The following DYNC2I2 variants were observed in gnomAD, a reference collection of about 807,000 sequenced individuals.
DYNC2I2 encodes the protein cytoplasmic dynein 2 intermediate chain 2.
In DYNC2I2, 39 loss-of-function variants were observed where a neutral mutation model predicts 52.0. The ratio of observed to expected loss-of-function variants is 0.75; its 90% confidence interval spans 0.58 to 0.98. The LOEUF (loss-of-function observed/expected upper bound fraction) is 0.98. Among genes scored for constraint, DYNC2I2 ranks in the 50% least tolerant of loss-of-function variants. The probability of loss-of-function intolerance (pLI) is 0.00; values close to 1 mark genes in which losing one functional copy is unlikely to be tolerated. For synonymous variants in DYNC2I2, 359 were observed against 321.1 expected (o/e 1.12, Z -1.26); for missense variants, 743 against 728.4 (o/e 1.02, Z -0.23).
At chr9:128,656,495 C>T in intron 1 of DYNC2I2, 46 bp downstream of exon 1, 1 of 1,233,680 alleles carries the variant, frequency 8.1e-7, no homozygotes, top group South Asian at 3.3e-5. Context: ...GCGCTGCGAC[C>T]CCGCCTTCCC....
In DYNC2I2 at chr9:128,640,693, T is replaced by TCTG. The variant is rs2132155546; in HGVS notation, c.430_432dup (p.Gln144dup). The TCTG allele has an allele frequency of 6.2e-7, 1 of 1,613,544 alleles. No individual in the cohort carries two copies. The highest frequency in any genetic ancestry group is 8.5e-7 in the Non-Finnish European group (1 of 1,179,608). On this transcript the variant is annotated inframe_insertion, in exon 2 of 9. Transcript: ENST00000372715. ...GGCTGCACCAGCCCATCCCCTACCA[T>TCTG]CTGCTGCTGCTCGGTCCAGTTCACC...
At chr9:128,655,674 C>A (rs186066454) in intron 1 of DYNC2I2, among the ~76,000 whole-genome samples, 33 of 151,130 alleles carry the variant, frequency 2.2e-4, no homozygotes, top group African/African-American at 7.3e-4. Flanking sequence ...CTTTGGAAGG[C>A]CGAGGAGGGC....
chr9:128,635,430 A>G (rs930554182), intron 5 of DYNC2I2, 171 bp from the exon 6 acceptor site: 2 of 882,082 alleles, frequency 2.3e-6, no homozygotes, highest in Admixed American at 5.7e-5. Context: ...GGCCCTCTCC[A>G]GTCCCAGAAT....
At chr9:128,671,945 G>A in the DYNC2I2 span, among the ~76,000 whole-genome samples, 5 of 144,364 alleles carry the variant, frequency 3.5e-5, no homozygotes, top group South Asian at 2.2e-4. Context: ...GAGCCACCGC[G>A]CCCGGCCTAA....
At chr9:128,683,800 A>G in the DYNC2I2 span, 2 of 1,107,124 alleles carry the variant, frequency 1.8e-6, no homozygotes, top group Admixed American at 2.5e-5. Context: ...TCCAGTGCAG[A>G]TTTAAGCCGC....
At chr9:128,667,316 AT>A in the DYNC2I2 span, among the ~76,000 whole-genome samples, 1 of 151,960 alleles carries the variant, frequency 6.6e-6, no homozygotes, top group African/African-American at 2.4e-5. Flanking sequence ...AACTGTGATT[AT>A]TTATTTTTAT....
chr9:128,633,789 C>A lies in DYNC2I2; in HGVS notation c.1566G>T (p.Arg522=), dbSNP rs1284132584. The A allele has an allele frequency of 1.2e-6, 2 of 1,613,520 alleles. No individual in the cohort carries two copies. The highest frequency in any genetic ancestry group is 1.7e-6 in the Non-Finnish European group (2 of 1,180,052). The change falls in exon 9 of 9, where the codon CGG becomes CGT. Residue 522 remains arginine, a synonymous_variant. Coordinates refer to ENST00000372715, the MANE Select transcript of DYNC2I2 (RefSeq NM_052844.4). The part of the protein sequence containing the change: ...LSTEFTEQGP[R]EAEDLDCLAA... ...CCAGGCAGTCCAGGTCCTCAGCTTC[C>A]CGGGGCCCTTGTTCCGTGAACTCTG...
chr9:128,659,262 G>A (rs940489032), upstream of DYNC2I2, among the ~76,000 whole-genome samples: 4 of 151,772 alleles, frequency 2.6e-5, no homozygotes, highest in Admixed American at 6.6e-5. Flanking sequence ...CTGGGAGGCC[G>A]AGGCGGGCGG....
chr9:128,681,713 C>A, the DYNC2I2 span, among the ~76,000 whole-genome samples: 2 of 152,134 alleles, frequency 1.3e-5, no homozygotes, highest in African/African-American at 4.8e-5. Context: ...TTGCCTTACT[C>A]ATTTTTATGC....
In DYNC2I2 at chr9:128,640,782, A is replaced by T. The variant is rs1469848199; in HGVS notation, c.344T>A (p.Val115Glu). 2 of 1,613,816 alleles carry T rather than the reference A, an allele frequency of 1.2e-6. No individual in the cohort carries two copies. The highest frequency in any genetic ancestry group is 4.5e-5 in the East Asian group (2 of 44,886). Residue 115 changes from valine to glutamate, a missense_variant, in exon 2 of 9, where the codon GTG (valine) becomes GAG (glutamate). Coordinates refer to ENST00000372715, the MANE Select transcript of DYNC2I2 (RefSeq NM_052844.4). Reference protein sequence around the residue: ...IPRLAAFLRRVEAMVIRELNK... With the variant: ...IPRLAAFLRREEAMVIRELNK... ...CAGCTCTCGGATGACCATGGCCTCC[A>T]CTCTCCGAAGAAAGGCTGCGAGCCT...
intron 1 of DYNC2I2, among the ~76,000 whole-genome samples, chr9:128,644,738 C>T (rs574412152): frequency 6.6e-6 from 1 of 152,244 alleles, no homozygotes; most frequent in African/African-American, 2.4e-5. Flanking sequence ...TGAAGGATCA[C>T]GGCGCCCCTG....
chr9:128,682,967 C>A, the DYNC2I2 span, among the ~76,000 whole-genome samples: 1 of 149,314 alleles, frequency 6.7e-6, no homozygotes, highest in East Asian at 2.0e-4. Flanking sequence ...TGAGTCACTG[C>A]GCCCGGCTGG....
At chr9:128,673,433 C>T in the DYNC2I2 span, among the ~76,000 whole-genome samples, 2 of 11,410 alleles carry the variant, frequency 1.8e-4, no homozygotes, top group Non-Finnish European at 6.1e-3. Flanking sequence ...CTTCTGCCTC[C>T]AGGGCTCAAG....
chr9:128,674,549 C>T, the DYNC2I2 span, among the ~76,000 whole-genome samples: 1 of 152,006 alleles, frequency 6.6e-6, no homozygotes, highest in Non-Finnish European at 1.5e-5. Context: ...CGAGACCAGC[C>T]TGGCCAATAT....
At chr9:128,679,734 C>T in the DYNC2I2 span, among the ~76,000 whole-genome samples, 37 of 151,560 alleles carry the variant, frequency 2.4e-4, no homozygotes, top group Admixed American at 2.4e-3. Context: ...GAGGCCTCTG[C>T]CTCCTGGTTT....
rs1270615651 is a variant in DYNC2I2, at chr9:128,635,393, C to G, written c.814-134G>C. On this transcript the variant is annotated intron_variant, in intron 5 of 8. Transcript: ENST00000372715. ...AGGCCCCAGAACCAGGCTCACCCAC[C>G]AGGGGGCAGGCCTGGAGGGTTCCCA... 5 of 1,174,360 alleles carry G rather than the reference C, an allele frequency of 4.3e-6. No individual in the cohort carries two copies. In the African/African-American group the frequency reaches 7.7e-5, roughly 18 times the overall value. The allele number at this position is 1,174,360 out of a possible 1,614,324, so 72.7% of individuals were successfully genotyped here.
At chr9:128,683,727 TG>T in the DYNC2I2 span, 19 of 551,874 alleles carry the variant, frequency 3.4e-5, no homozygotes, top group Non-Finnish European at 5.7e-5. Context: ...GGGATGAGGC[TG>T]GGGGAGGGGG....
At chr9:128,657,553 G>A (rs1299044263), upstream of DYNC2I2, among the ~76,000 whole-genome samples, 2 of 151,972 alleles carry the variant, frequency 1.3e-5, no homozygotes, top group African/African-American at 4.8e-5. Context: ...CTGTAATCCC[G>A]GTACTTTGAG....
At chr9:128,635,412 G>A (rs919171695) in intron 5 of DYNC2I2, 153 bp from the exon 6 acceptor site, 3 of 998,210 alleles carry the variant, frequency 3.0e-6, no homozygotes, top group Non-Finnish European at 4.3e-6. Context: ...GGCCTGGAGG[G>A]TTCCCAGGGC....
Sources: allele counts gnomAD v4.1 joint callset (sites outside exome capture counted in the v4.1 genomes callset), GRCh38; gene constraint gnomAD v4.1.1; transcripts MANE v1.5; gene names NCBI Gene and HGNC (gene_info 2026-07-23, HGNC 2026-07-21).